Variants in TRIM16 observed in about 807,000 individuals in gnomAD.
The protein encoded by TRIM16 is tripartite motif containing 16, also known as tripartite motif-containing protein 16.
TRIM16 carries 33 observed loss-of-function variants against 50.4 expected under a neutral mutation model. The ratio of observed to expected loss-of-function variants is 0.65; its 90% CI spans 0.50 to 0.88. TRIM16 has a LOEUF of 0.88. Ranked by LOEUF, TRIM16 falls within the 40% of genes least tolerant of loss-of-function variation. The probability of loss-of-function intolerance (pLI) is 0.00; values close to 1 mark genes in which losing one functional copy is unlikely to be tolerated. For synonymous variants in TRIM16, 229 were observed against 270.7 expected, an observed-to-expected ratio of 0.85 and a Z score of 1.51; for missense variants, 581 against 686.8, an observed-to-expected ratio of 0.85 and a Z score of 1.72.
At position 15,680,896 on chromosome 17, in the gene TRIM16, A is replaced by G. The variant is rs1166971956; in HGVS notation, c.-621T>C. On this transcript the variant is annotated 5_prime_UTR_variant, in exon 4 of 12. The change abolishes an upstream ATG in the 5' untranslated region. Transcript: ENST00000649191. ...CTCTGCTGTCCGGCAAAGAGCAGCC[A>G]TATTTTCCTTCTTAAGATACCCCTT... The G allele has an allele frequency of 1.9e-6, 3 of 1,547,140 alleles. No individual in the cohort carries two copies. Among genetic ancestry groups the G allele is most frequent in the South Asian group, 2.4e-5 (2 of 82,940 alleles).
intron 11 of TRIM16, among the ~76,000 whole-genome samples, chr17:15,631,103 A>G (rs1986393594): frequency 6.6e-6 from 1 of 152,146 alleles, no homozygotes; most frequent in African/African-American, 2.4e-5. Context: ...AGTCATACAT[A>G]GAAATGAATC....
intron 7 of TRIM16, among the ~76,000 whole-genome samples, chr17:15,647,908 C>T (rs577639883): frequency 6.8e-4 from 104 of 151,908 alleles, no homozygotes; most frequent in African/African-American, 2.5e-3. Context: ...ACTTGGCAGC[C>T]AGCAGGCAAG....
intron 6 of TRIM16, chr17:15,675,538 G>A (rs110675): frequency 0.77 from 131,605 of 170,262 alleles, 51,464 homozygotes; most frequent in African/African-American, 0.9. Context: ...AACATATAAA[G>A]GTCTACACTG....
chr17:15,646,086 GC>G (rs1987364272), intron 7 of TRIM16, among the ~76,000 whole-genome samples: 1 of 152,336 alleles, frequency 6.6e-6, no homozygotes, highest in East Asian at 1.9e-4. Context: ...GTCGGCAGCA[GC>G]GGGGCCATAG....
Position 15,651,085 on chromosome 17 carries a change from A to T in TRIM16, c.519+6T>A. ...CCAAATGGATGAATGGTCCCCAAGC[A>T]CTCACCTCCTTGTCCCTGCGGGCTG... On this transcript the variant is annotated splice_donor_region_variant and intron_variant, in intron 7 of 11. Coordinates refer to ENST00000649191, the MANE Select transcript of TRIM16 (RefSeq NM_001348119.1). The T allele has an allele frequency of 6.3e-7, 1 of 1,599,216 alleles. No homozygotes were observed. Among genetic ancestry groups the T allele is most frequent in the Non-Finnish European group, 8.5e-7 (1 of 1,171,578 alleles).
intron 7 of TRIM16, among the ~76,000 whole-genome samples, chr17:15,644,702 TCTC>T (rs1332683701): frequency 6.6e-6 from 1 of 152,136 alleles, no homozygotes; most frequent in African/African-American, 2.4e-5. Context: ...CACCCAGTCA[TCTC>T]ACTGGCATTC....
intron 7 of TRIM16, among the ~76,000 whole-genome samples, chr17:15,646,906 A>AT (rs762965650): frequency 1.3e-5 from 2 of 152,194 alleles, no homozygotes; most frequent in Non-Finnish European, 2.9e-5. Flanking sequence ...GCCTGGGAGA[A>AT]TAAGAAAAAC....
chr17:15,681,222 C>G, intron 3 of TRIM16: 1 of 284,022 alleles, frequency 3.5e-6, no homozygotes, highest in Admixed American at 5.3e-5. Flanking sequence ...ACCAAAAAAC[C>G]CTAAAACAAA....
chr17:15,653,052 C>A (rs533703105), intron 6 of TRIM16, among the ~76,000 whole-genome samples: 131 of 152,268 alleles, frequency 8.6e-4, no homozygotes, highest in African/African-American at 3.1e-3. Context: ...GTGTTTGGGT[C>A]ATAGGGGTGG....
intron 6 of TRIM16, among the ~76,000 whole-genome samples, chr17:15,667,789 T>A (rs1216513232): frequency 6.6e-6 from 1 of 152,188 alleles, no homozygotes; most frequent in Non-Finnish European, 1.5e-5. Context: ...ACAACACCTC[T>A]ACTGTTAACA....
intron 6 of TRIM16, among the ~76,000 whole-genome samples, chr17:15,653,417 C>T (rs1445418233): frequency 1.3e-5 from 2 of 152,192 alleles, no homozygotes; most frequent in African/African-American, 4.8e-5. Context: ...GCCAGGGCTG[C>T]CATAGCAAAG....
At chr17:15,669,855 G>C (rs1278479340) in intron 6 of TRIM16, among the ~76,000 whole-genome samples, 1 of 152,164 alleles carries the variant, frequency 6.6e-6, no homozygotes, top group African/African-American at 2.4e-5. Flanking sequence ...ATTGTAGGAT[G>C]ATTAGCAGTA....
intron 6 of TRIM16, among the ~76,000 whole-genome samples, chr17:15,669,680 A>G (rs1458247261): frequency 6.6e-6 from 1 of 152,210 alleles, no homozygotes; most frequent in Non-Finnish European, 1.5e-5. Flanking sequence ...ATTACAATCA[A>G]CTGCTCACGG....
chr17:15,672,216 A>C (rs2151421569), intron 6 of TRIM16, among the ~76,000 whole-genome samples: 1 of 151,852 alleles, frequency 6.6e-6, no homozygotes, highest in South Asian at 2.1e-4. Flanking sequence ...TTAGACACTC[A>C]TGATTTAAAA....
At chr17:15,669,115 T>C (rs1360851412) in intron 6 of TRIM16, among the ~76,000 whole-genome samples, 2 of 151,926 alleles carry the variant, frequency 1.3e-5, no homozygotes, top group African/African-American at 4.8e-5. Context: ...TAGTATCCAA[T>C]GTTTGGGAGA....
In TRIM16 at chr17:15,641,262, GGCCTCAATACATTCAAGGA is replaced by G. The variant is rs559973126; in HGVS notation, c.615+1440_615+1458del. 2.9e-3 allele frequency among the ~76,000 whole-genome samples: 427 copies of G among 148,534 alleles called. 32 individuals are homozygous for G. The highest frequency in any genetic ancestry group is 0.01 in the African/African-American group (406 of 40,084). On this transcript the variant is annotated intron_variant, in intron 8 of 11. Coordinates refer to ENST00000649191, the MANE Select transcript of TRIM16 (RefSeq NM_001348119.1). The stretch of plus-strand genomic sequence containing the variant: ...AAGCAGAAACAGTACAGAGAGGAGA[GGCCTCAATACATTCAAGGA>G]GCCAGCAGGTAATGGTTTAAAGATT...
rs7215772 is a variant in TRIM16, at chr17:15,651,641, T to C, written c.-32A>G. On this transcript the variant is annotated 5_prime_UTR_variant, in exon 7 of 12. Transcript: ENST00000649191. ...GGCTCTGCTCCTAGGCTGTCTTTCT[T>C]CTGTCCCTTGGCCCAGGATCTGTGC... 4.2e-3 allele frequency: 6,735 copies of C among 1,601,846 alleles called. 218 individuals are homozygous for C. The African/African-American group carries it at 0.078, about 19-fold the overall frequency.
At chr17:15,658,424 GT>G (rs1460980374) in intron 6 of TRIM16, among the ~76,000 whole-genome samples, 8 of 152,056 alleles carry the variant, frequency 5.3e-5, no homozygotes, top group Non-Finnish European at 1.5e-5. Context: ...CCTCATTTGT[GT>G]CTCTGCTGAG....
intron 9 of TRIM16, among the ~76,000 whole-genome samples, chr17:15,633,698 G>T (rs1195973208): frequency 1.3e-4 from 19 of 146,470 alleles, no homozygotes; most frequent in East Asian, 2.1e-4. Context: ...GCACCACCAT[G>T]CCTGGCTAAT....
Sources: allele counts gnomAD v4.1 joint callset (sites outside exome capture counted in the v4.1 genomes callset), GRCh38; gene constraint gnomAD v4.1.1; transcripts MANE v1.5; gene names NCBI Gene and HGNC (gene_info 2026-07-23, HGNC 2026-07-21).